The following SEMA6D variants were observed in gnomAD, a reference collection of about 807,000 sequenced individuals.
SEMA6D encodes semaphorin-6D.
In SEMA6D, 35 loss-of-function variants were observed where a neutral mutation model predicts 106.6. That is an observed-to-expected ratio of 0.33 (90% CI 0.25 to 0.44). SEMA6D has a LOEUF of 0.44. Ranked by LOEUF, SEMA6D falls within the 20% of genes least tolerant of loss-of-function variation. The probability of loss-of-function intolerance (pLI) is 1.00; values close to 1 mark genes in which losing one functional copy is unlikely to be tolerated. For synonymous variants in SEMA6D, 499 were observed against 487.7 expected (o/e 1.02, Z -0.31); for missense variants, 1,185 against 1,345.9 (o/e 0.88, Z 1.87).
chr15:47,400,750 T>C (rs556952613), intron 1 of SEMA6D, among the ~76,000 whole-genome samples: 1 of 152,220 alleles, frequency 6.6e-6, no homozygotes, highest in Non-Finnish European at 1.5e-5. Flanking sequence ...TTAGATGGCC[T>C]GTGGCCTATT....
intron 3 of SEMA6D, among the ~76,000 whole-genome samples, chr15:47,533,048 A>G (rs2045029625): frequency 6.6e-6 from 1 of 152,226 alleles, no homozygotes; most frequent in Non-Finnish European, 1.5e-5. Context: ...ACAGAAAAAA[A>G]AAGTCCTCAG....
chr15:47,283,942 A>G lies in SEMA6D; in HGVS notation c.-239+99524A>G, dbSNP rs149851566. The stretch of plus-strand genomic sequence containing the variant: ...TCCTGGGTGTATAACCTCCATTTCT[A>G]TTTGACCTTCTACTTTAACTCCCTT... On this transcript the variant is annotated intron_variant, in intron 1 of 19. Transcript: ENST00000558014. Among the ~76,000 whole-genome samples the G allele has an allele frequency of 1.5e-3, 234 of 152,134 alleles. 1 individual carries two copies. The highest frequency in any genetic ancestry group is 0.014 in the Middle Eastern group (4 of 294).
chr15:47,670,242 C>T (rs1250715167), intron 4 of SEMA6D, among the ~76,000 whole-genome samples: 1 of 152,122 alleles, frequency 6.6e-6, no homozygotes, highest in Non-Finnish European at 1.5e-5. Context: ...TTGTGAACAC[C>T]AGTTGAGGGT....
chr15:47,207,636 C>T (rs1414810839), intron 1 of SEMA6D, among the ~76,000 whole-genome samples: 1 of 152,066 alleles, frequency 6.6e-6, no homozygotes, highest in African/African-American at 2.4e-5. Flanking sequence ...TGGTAAGGTT[C>T]CAATTTAGCA....
intron 2 of SEMA6D, among the ~76,000 whole-genome samples, chr15:47,468,162 A>G (rs904159270): frequency 3.9e-5 from 6 of 151,960 alleles, no homozygotes; most frequent in African/African-American, 1.4e-4. Flanking sequence ...AATATATGTT[A>G]CTGTGTGTTT....
intron 2 of SEMA6D, among the ~76,000 whole-genome samples, chr15:47,435,336 A>G (rs1233143401): frequency 6.6e-6 from 1 of 152,116 alleles, no homozygotes; most frequent in East Asian, 1.9e-4. Context: ...AATTGTTAGT[A>G]AAATAGAGTA....
chr15:47,373,431 A>G (rs1191684590), intron 1 of SEMA6D, among the ~76,000 whole-genome samples: 1 of 152,194 alleles, frequency 6.6e-6, no homozygotes, highest in Non-Finnish European at 1.5e-5. Context: ...ATGCATGACT[A>G]TGATCAGCAT....
chr15:47,769,055 C>T (rs570035863), intron 18 of SEMA6D, among the ~76,000 whole-genome samples: 5 of 152,246 alleles, frequency 3.3e-5, no homozygotes, highest in Non-Finnish European at 5.9e-5. Flanking sequence ...CGAGGGTCAC[C>T]GCAGCAACAT....
In SEMA6D at chr15:47,345,400, G is replaced by A. The variant is rs1259227037; in HGVS notation, c.-238-66993G>A. ...GAATAGAACGTGCAGAAGTAGATCT[G>A]CTCATGTATGGACACTTGATTTCCA... On this transcript the variant is annotated intron_variant, in intron 1 of 19. Transcript: ENST00000558014. Among the ~76,000 whole-genome samples, 6 of 152,208 alleles carry A rather than the reference G, an allele frequency of 3.9e-5. No individual in the cohort carries two copies. In the East Asian group the frequency reaches 1.2e-3, roughly 29 times the overall value.
chr15:47,300,144 G>A (rs80343539), intron 1 of SEMA6D, among the ~76,000 whole-genome samples: 1 of 152,146 alleles, frequency 6.6e-6, no homozygotes, highest in Non-Finnish European at 1.5e-5. Flanking sequence ...TGTCCTGCCT[G>A]GTGGGTGCCC....
intron 1 of SEMA6D, among the ~76,000 whole-genome samples, chr15:47,184,881 T>A (rs556070975): frequency 3.9e-4 from 59 of 152,352 alleles, no homozygotes; most frequent in African/African-American, 2.4e-4. Flanking sequence ...CCGCTTTTTT[T>A]ATTTTCTTTT....
rs745674200 is a variant in SEMA6D, at chr15:47,768,573, C to T, written c.1766-8C>T. ...TCCATATTAATAAAAATCTGTTTGC[C>T]ACCACAGACATGGAGGTATCTTCAT... On this transcript the variant is annotated splice_polypyrimidine_tract_variant and splice_region_variant and intron_variant, in intron 17 of 18. Transcript: ENST00000536845. 6.3e-7 allele frequency: 1 copy of T among 1,591,238 alleles called. No homozygotes were observed. Among genetic ancestry groups the T allele is most frequent in the Non-Finnish European group, 8.6e-7 (1 of 1,166,472 alleles).
At chr15:47,208,237 G>A (rs1895244812) in intron 1 of SEMA6D, among the ~76,000 whole-genome samples, 1 of 152,030 alleles carries the variant, frequency 6.6e-6, no homozygotes, top group African/African-American at 2.4e-5. Flanking sequence ...GATTAAATTA[G>A]TTAACGTATT....
At chr15:47,740,227 A>G (rs1188792239) in intron 1 of SEMA6D, among the ~76,000 whole-genome samples, 1 of 152,174 alleles carries the variant, frequency 6.6e-6, no homozygotes, top group Non-Finnish European at 1.5e-5. Flanking sequence ...GAAAATAGAA[A>G]GTAAAAAACA....
intron 2 of SEMA6D, among the ~76,000 whole-genome samples, chr15:47,451,894 T>A (rs1187309494): frequency 6.6e-6 from 1 of 152,006 alleles, no homozygotes; most frequent in Non-Finnish European, 1.5e-5. Context: ...ACATTAAAAA[T>A]GGATACATTC....
chr15:47,315,476 C>T (rs1331566393), intron 1 of SEMA6D, among the ~76,000 whole-genome samples: 2 of 152,180 alleles, frequency 1.3e-5, no homozygotes, highest in Non-Finnish European at 2.9e-5. Context: ...TCACCAATAC[C>T]ACACTGTCTT....
chr15:47,639,662 C>A (rs1451212236), intron 4 of SEMA6D, among the ~76,000 whole-genome samples: 1 of 152,182 alleles, frequency 6.6e-6, no homozygotes, highest in Non-Finnish European at 1.5e-5. Flanking sequence ...AGTCAGAAGT[C>A]ATGTTGATGG....
chr15:47,199,361 G>T (rs567555621), intron 1 of SEMA6D, among the ~76,000 whole-genome samples: 1 of 152,132 alleles, frequency 6.6e-6, no homozygotes. Flanking sequence ...TTGCTGAGTA[G>T]TCTTGCTGGG....
intron 1 of SEMA6D, among the ~76,000 whole-genome samples, chr15:47,732,459 C>T (rs1054591817): frequency 2.6e-5 from 4 of 152,084 alleles, no homozygotes; most frequent in African/African-American, 9.7e-5. Flanking sequence ...CAGATTTTCC[C>T]GGGCTCTCAT....
Sources: gnomAD v4.1 joint callset for allele counts (sites outside exome capture counted in the v4.1 genomes callset) on GRCh38, gnomAD v4.1.1 for gene constraint, MANE v1.5 for transcripts, NCBI Gene and HGNC (gene_info 2026-07-23, HGNC 2026-07-21) for gene names.